The following ANK3 variants were observed in gnomAD, a reference collection of about 807,000 sequenced individuals.
ANK3 encodes ankyrin-3.
A neutral mutation model predicts 370.9 loss-of-function variants in ANK3; 57 were observed. That is an observed-to-expected ratio of 0.15 (90% confidence interval 0.12 to 0.19). The LOEUF (loss-of-function observed/expected upper bound fraction) is 0.19. Ranked by LOEUF, ANK3 falls within the 10% of genes least tolerant of loss-of-function variation. The pLI is 1.00. For synonymous variants in ANK3, 1,929 were observed against 1,946.3 expected (o/e 0.99, Z 0.23); for missense variants, 4,439 against 5,302.1 (o/e 0.84, Z 5.06).
chr10:60,232,630 G>A (rs575434812), intron 8 of ANK3, among the ~76,000 whole-genome samples: 21 of 152,170 alleles, frequency 1.4e-4, no homozygotes, highest in Middle Eastern at 3.4e-3. Context: ...TTCCTATTTA[G>A]AAAGTTTGTT....
chr10:60,625,600 C>A (rs1173990592), intron 1 of ANK3, among the ~76,000 whole-genome samples: 1 of 152,148 alleles, frequency 6.6e-6, no homozygotes, highest in South Asian at 2.1e-4. Context: ...CTAATGTACT[C>A]AATTACATCT....
chr10:60,584,863 G>A (rs1266530537), intron 2 of ANK3, among the ~76,000 whole-genome samples: 1 of 152,080 alleles, frequency 6.6e-6, no homozygotes, highest in African/African-American at 2.4e-5. Flanking sequence ...GTATGTGCCA[G>A]AGCCAAGCAA....
At position 60,698,976 on chromosome 10, in the gene ANK3, C is replaced by T. The variant is rs535546066; in HGVS notation, c.57+34287G>A. Among the ~76,000 whole-genome samples, 19 of 151,690 alleles carry T rather than the reference C, an allele frequency of 1.3e-4. No individual in the cohort carries two copies. In the South Asian group the frequency reaches 3.9e-3, roughly 32 times the overall value. ...CTTTGGAGTGAATTAAAGACATTCA[C>T]AGTGACCTGGATGAGATTGGAGACT... On this transcript the variant is annotated intron_variant, in intron 1 of 43. Transcript: ENST00000373827.
At chr10:60,383,388 A>G (rs983750054) in intron 1 of ANK3, among the ~76,000 whole-genome samples, 1 of 152,186 alleles carries the variant, frequency 6.6e-6, no homozygotes, top group East Asian at 1.9e-4. Context: ...TCCATTTTGC[A>G]GGTGGAGAGC....
At chr10:60,698,391 C>T in intron 1 of ANK3, among the ~76,000 whole-genome samples, 1 of 151,742 alleles carries the variant, frequency 6.6e-6, no homozygotes. Context: ...ACCCAGCCAT[C>T]CCATTACTGG....
At chr10:60,174,999 T>A (rs2095888967) in intron 18 of ANK3, among the ~76,000 whole-genome samples, 1 of 152,178 alleles carries the variant, frequency 6.6e-6, no homozygotes, top group African/African-American at 2.4e-5. Context: ...GGATTACAAG[T>A]GTGAACCACC....
intron 14 of ANK3, 58 bp downstream of exon 14, chr10:60,198,282 A>C: frequency 1.3e-5 from 20 of 1,555,444 alleles, no homozygotes; most frequent in Non-Finnish European, 1.8e-5. Flanking sequence ...TATGCGGGGA[A>C]ACGTAAGGAA....
At chr10:60,276,408 A>G (rs2098090139) in intron 4 of ANK3, among the ~76,000 whole-genome samples, 1 of 152,132 alleles carries the variant, frequency 6.6e-6, no homozygotes. Flanking sequence ...TGTTACCAGG[A>G]ATTATCATTG....
At chr10:60,496,347 C>T (rs2075655814) in intron 2 of ANK3, among the ~76,000 whole-genome samples, 1 of 152,156 alleles carries the variant, frequency 6.6e-6, no homozygotes. Context: ...CTGTAGTACT[C>T]ATGATGACAG....
rs570622377 is a variant in ANK3 at position 60,334,311 on chromosome 10, T to G, written c.115-54672A>C. Reference sequence around the variant, plus strand: ...AAACTGTACTTCAATGACAAATGTTTCCCCTGATAAAAGTGATCTATATTA... The same window carrying G: ...AAACTGTACTTCAATGACAAATGTTGCCCCTGATAAAAGTGATCTATATTA... On this transcript the variant is annotated intron_variant, in intron 1 of 43. Coordinates refer to ENST00000280772, the MANE Select transcript of ANK3 (RefSeq NM_020987.5). 8.5e-5 allele frequency among the ~76,000 whole-genome samples: 13 copies of G among 152,290 alleles called. No homozygotes were observed. The East Asian group carries it at 2.5e-3, about 29-fold the overall frequency.
intron 1 of ANK3, among the ~76,000 whole-genome samples, chr10:60,351,986 T>C (rs891820349): frequency 8.5e-5 from 13 of 152,182 alleles, no homozygotes; most frequent in Non-Finnish European, 1.6e-4. Context: ...TCATGTTCAT[T>C]TGAATTCTGT....
At position 60,727,994 on chromosome 10, in the gene ANK3, G is replaced by A. The variant is rs565819568; in HGVS notation, c.57+5269C>T. On this transcript the variant is annotated intron_variant, in intron 1 of 43. Transcript: ENST00000373827. The stretch of plus-strand genomic sequence containing the variant: ...ATGAAATCTGTGCATCTCACTGTAC[G>A]TAAGTGGTGTGCTTACCAATTCTGT... Among the ~76,000 whole-genome samples the A allele has an allele frequency of 1.6e-4, 24 of 152,174 alleles. No homozygotes were observed. The South Asian group carries it at 4.2e-3, about 26-fold the overall frequency.
At chr10:60,389,286 C>T in intron 1 of ANK3, 139 bp downstream of exon 1, 1 of 773,978 alleles carries the variant, frequency 1.3e-6, no homozygotes, top group Non-Finnish European at 2.1e-6. Context: ...TAGGGTTTAT[C>T]ATCTGTTCCC....
At chr10:60,547,067 T>C (rs2076979332) in intron 2 of ANK3, among the ~76,000 whole-genome samples, 1 of 151,254 alleles carries the variant, frequency 6.6e-6, no homozygotes, top group African/African-American at 2.4e-5. Flanking sequence ...CTTGTCAGTT[T>C]GTCAGTTCCC....
intron 43 of ANK3, among the ~76,000 whole-genome samples, chr10:60,030,280 C>A (rs1468957409): frequency 1.3e-5 from 2 of 151,946 alleles, no homozygotes; most frequent in Non-Finnish European, 2.9e-5. Flanking sequence ...GTAGCTGGGA[C>A]TACAGGTGCC....
At chr10:60,181,988 C>T (rs752281005) in intron 17 of ANK3, among the ~76,000 whole-genome samples, 1 of 152,190 alleles carries the variant, frequency 6.6e-6, no homozygotes, top group South Asian at 2.1e-4. Context: ...TCCCTCTTTT[C>T]CTTTTCATTC....
chr10:60,171,419 A>G (rs1454044497), intron 21 of ANK3, among the ~76,000 whole-genome samples: 1 of 152,200 alleles, frequency 6.6e-6, no homozygotes, highest in Non-Finnish European at 1.5e-5. Context: ...AGCAGTGGGT[A>G]TACAAACTAA....
intron 2 of ANK3, among the ~76,000 whole-genome samples, chr10:60,585,251 C>G (rs1478608975): frequency 6.6e-6 from 1 of 152,148 alleles, no homozygotes; most frequent in African/African-American, 2.4e-5. Context: ...TAAACCTGGC[C>G]TGCAGTAACT....
At chr10:60,616,010 T>C (rs2078263406) in intron 1 of ANK3, among the ~76,000 whole-genome samples, 1 of 152,156 alleles carries the variant, frequency 6.6e-6, no homozygotes, top group South Asian at 2.1e-4. Context: ...GAAAGGAACA[T>C]TCTACTTTGA....
Sources: gnomAD v4.1 joint callset for allele counts (sites outside exome capture counted in the v4.1 genomes callset) on GRCh38, gnomAD v4.1.1 for gene constraint, MANE v1.5 for transcripts, NCBI Gene and HGNC (gene_info 2026-07-23, HGNC 2026-07-21) for gene names.